Variants in LRRC2 observed in about 807,000 individuals in gnomAD.
LRRC2 encodes leucine-rich repeat-containing protein 2.
Under a neutral mutation model 40.2 loss-of-function variants are expected in LRRC2, and 27 were observed. The ratio of observed to expected loss-of-function variants is 0.67; its 90% CI spans 0.49 to 0.93. The LOEUF (loss-of-function observed/expected upper bound fraction) is 0.93. Among genes scored for constraint, LRRC2 ranks in the 40% least tolerant of loss-of-function variants. The probability of loss-of-function intolerance (pLI) is 0.00; values close to 1 mark genes in which losing one functional copy is unlikely to be tolerated. For synonymous variants in LRRC2, 147 were observed against 158.9 expected (o/e 0.92, Z 0.56); for missense variants, 402 against 439.6 (o/e 0.91, Z 0.76).
At chr3:46,530,417 T>C (rs1704137719) in intron 5 of LRRC2, among the ~76,000 whole-genome samples, 2 of 152,074 alleles carry the variant, frequency 1.3e-5, no homozygotes, top group South Asian at 2.1e-4. Flanking sequence ...CCGTCTCTAC[T>C]AAAAATACAA....
At chr3:46,539,966 A>G (rs1704349726) in intron 3 of LRRC2, among the ~76,000 whole-genome samples, 1 of 152,148 alleles carries the variant, frequency 6.6e-6, no homozygotes, top group Admixed American at 6.5e-5. Context: ...GACGAGACAC[A>G]CAGGTCCCCT....
intron 4 of LRRC2, among the ~76,000 whole-genome samples, chr3:46,533,426 G>T (rs1379025056): frequency 6.6e-6 from 1 of 152,142 alleles, no homozygotes; most frequent in Admixed American, 6.5e-5. Context: ...TTTAAATACA[G>T]ATTCTCCCTA....
At chr3:46,537,878 A>T (rs1704300337) in intron 4 of LRRC2, among the ~76,000 whole-genome samples, 2 of 152,272 alleles carry the variant, frequency 1.3e-5, no homozygotes, top group African/African-American at 4.8e-5. Context: ...AGCGTGATGC[A>T]GATGGCCTGG....
Position 46,517,321 on chromosome 3 carries a change from T to G in LRRC2, c.*1693A>C, listed in dbSNP as rs1703882402. 1.3e-5 allele frequency: 2 copies of G among 151,604 alleles called. No homozygotes were observed. Among genetic ancestry groups the G allele is most frequent in the African/African-American group, 4.8e-5 (2 of 41,256 alleles). The allele number at this position is 151,604 out of a possible 1,614,324, so 9.4% of individuals were successfully genotyped here. A position where few individuals can be genotyped will look rare whatever the true frequency, so the allele number is the denominator to read the frequency against. ...TTAGTTATAACAATAATAATATTGT[T>G]ATTGCTGTTTGTTTTGCTTTTGAGA... On this transcript the variant is annotated 3_prime_UTR_variant, in exon 9 of 9. Coordinates refer to ENST00000395905, the MANE Select transcript of LRRC2 (RefSeq NM_024512.5).
At chr3:46,547,710 G>A (rs199693072) in intron 2 of LRRC2, among the ~76,000 whole-genome samples, 4 of 24,086 alleles carry the variant, frequency 1.7e-4, no homozygotes, top group Non-Finnish European at 2.2e-4. Flanking sequence ...GTGTGTATGT[G>A]TGTGTGTGTG....
chr3:46,550,393 T>C (rs1362949101), intron 2 of LRRC2, among the ~76,000 whole-genome samples: 2 of 144,592 alleles, frequency 1.4e-5, no homozygotes, highest in Admixed American at 1.4e-4. Context: ...TTTTTTTTTT[T>C]TTTTTTTTGA....
At chr3:46,550,767 T>A (rs1704627268) in intron 2 of LRRC2, among the ~76,000 whole-genome samples, 1 of 152,174 alleles carries the variant, frequency 6.6e-6, no homozygotes, top group Non-Finnish European at 1.5e-5. Flanking sequence ...TGGGACTTTC[T>A]TTGAGAATGG....
At chr3:46,563,113 C>CACAT (rs1704982879) in intron 1 of LRRC2, among the ~76,000 whole-genome samples, 1 of 152,108 alleles carries the variant, frequency 6.6e-6, no homozygotes, top group African/African-American at 2.4e-5. Flanking sequence ...CACACACACA[C>CACAT]ACATTCATCC....
At chr3:46,564,426 G>T (rs1705015014) in intron 1 of LRRC2, among the ~76,000 whole-genome samples, 1 of 151,402 alleles carries the variant, frequency 6.6e-6, no homozygotes, top group Admixed American at 6.6e-5. Context: ...GGGGGAGGGG[G>T]GGTTTTCCGG....
chr3:46,527,907 T>G (rs905524671), intron 6 of LRRC2, among the ~76,000 whole-genome samples: 1 of 152,120 alleles, frequency 6.6e-6, no homozygotes, highest in Non-Finnish European at 1.5e-5. Context: ...AATTATTTTT[T>G]GTAGAGACAG....
Position 46,518,972 on chromosome 3 carries a change from T to C in LRRC2, c.*42A>G. ...CATGATCATAACAAAGATTTATATA[T>C]AGCTCCAGAGAATAGTGAGATTTGC... On this transcript the variant is annotated 3_prime_UTR_variant, in exon 9 of 9. Transcript: ENST00000395905. 7.5e-7 allele frequency: 1 copy of C among 1,328,094 alleles called. No homozygotes were observed. Among genetic ancestry groups the C allele is most frequent in the Non-Finnish European group, 1.1e-6 (1 of 919,792 alleles). The allele number at this position is 1,328,094 out of a possible 1,614,324, so 82.3% of individuals were successfully genotyped here.
chr3:46,532,547 G>C (rs551844762), intron 5 of LRRC2, among the ~76,000 whole-genome samples: 1 of 152,200 alleles, frequency 6.6e-6, no homozygotes, highest in South Asian at 2.1e-4. Context: ...AAAACCTGCA[G>C]TGAGCTGAGA....
chr3:46,564,183 G>T (rs1404885192), intron 1 of LRRC2, among the ~76,000 whole-genome samples: 1 of 152,136 alleles, frequency 6.6e-6, no homozygotes, highest in Non-Finnish European at 1.5e-5. Flanking sequence ...GAGAAAGGGT[G>T]GGGGAGGGGT....
intron 7 of LRRC2, among the ~76,000 whole-genome samples, chr3:46,525,086 C>CTTTTTTTTTTTTTTTTT (rs11284933): frequency 8.5e-6 from 1 of 117,574 alleles, no homozygotes. Context: ...CTTTTTTTTT[C>CTTTTTTTTTTTTTTTTT]TTTTTTTTTT....
chr3:46,563,066 C>G (rs904673411), intron 1 of LRRC2, among the ~76,000 whole-genome samples: 1 of 151,982 alleles, frequency 6.6e-6, no homozygotes, highest in Non-Finnish European at 1.5e-5. Context: ...CTCTGCCCAC[C>G]CACTATGCAG....
chr3:46,561,544 A>G (rs1559422715), intron 1 of LRRC2, among the ~76,000 whole-genome samples: 1 of 151,892 alleles, frequency 6.6e-6, no homozygotes, highest in East Asian at 1.9e-4. Flanking sequence ...CAAAAAAACA[A>G]AAAGAGAGGG....
At chr3:46,543,450 A>G (rs1704441903) in intron 3 of LRRC2, among the ~76,000 whole-genome samples, 2 of 152,038 alleles carry the variant, frequency 1.3e-5, no homozygotes, top group Non-Finnish European at 2.9e-5. Context: ...ACCCGTCTCT[A>G]CTAAAAATAC....
chr3:46,548,996 G>A (rs1252401909), intron 2 of LRRC2, among the ~76,000 whole-genome samples: 1 of 152,190 alleles, frequency 6.6e-6, no homozygotes, highest in African/African-American at 2.4e-5. Context: ...CCTGCTGTGT[G>A]GCCCAGTTCC....
chr3:46,545,997 C>T (rs997292964), intron 2 of LRRC2, among the ~76,000 whole-genome samples: 31 of 152,192 alleles, frequency 2.0e-4, no homozygotes, highest in Non-Finnish European at 4.0e-4. Flanking sequence ...TCCTTCAAAA[C>T]CATCAAACAC....
Sources: allele counts gnomAD v4.1 joint callset (sites outside exome capture counted in the v4.1 genomes callset), GRCh38; gene constraint gnomAD v4.1.1; transcripts MANE v1.5; gene names NCBI Gene and HGNC (gene_info 2026-07-23, HGNC 2026-07-21).